The following CYB5A variants were observed in gnomAD, a reference collection of about 807,000 sequenced individuals.
The protein encoded by CYB5A is cytochrome b5 type A, also known as cytochrome b5.
A neutral mutation model predicts 16.2 loss-of-function variants in CYB5A; 10 were observed. The observed-to-expected ratio is 0.62, with a 90% CI of 0.38 to 1.04. The LOEUF (loss-of-function observed/expected upper bound fraction) is 1.04, where lower values mean the gene tolerates loss of function less well. Among genes scored for constraint, CYB5A ranks in the 50% least tolerant of loss-of-function variants. The probability of loss-of-function intolerance (pLI) is 0.01; values close to 1 mark genes in which losing one functional copy is unlikely to be tolerated. For synonymous variants in CYB5A, 62 were observed against 57.0 expected (o/e 1.09, Z -0.40); for missense variants, 161 against 165.9 (o/e 0.97, Z 0.16).
chr18:74,272,183 T>C (rs1352788196), intron 1 of CYB5A, among the ~76,000 whole-genome samples: 4 of 152,230 alleles, frequency 2.6e-5, no homozygotes, highest in South Asian at 4.1e-4. Flanking sequence ...TTGGAATTGT[T>C]ATTGCTTCCT....
At chr18:74,277,907 A>AG (rs1430393132) in intron 1 of CYB5A, among the ~76,000 whole-genome samples, 1 of 152,220 alleles carries the variant, frequency 6.6e-6, no homozygotes, top group Non-Finnish European at 1.5e-5. Flanking sequence ...AGACTGGAAG[A>AG]GAGCACCTGG....
Position 74,269,557 on chromosome 18 carries a change from C to T in CYB5A, c.130-6080G>A, listed in dbSNP as rs73482441. ...ACTCCATAGCTAATGCACACTCCAG[C>T]GTAACAGGACCAAATGGCATGTCTC... On this transcript the variant is annotated intron_variant, in intron 1 of 4. Coordinates refer to ENST00000340533, the MANE Select transcript of CYB5A (RefSeq NM_148923.4). Among the ~76,000 whole-genome samples, 234 of 152,298 alleles carry T rather than the reference C, an allele frequency of 1.5e-3. 1 individual carries two copies. Among genetic ancestry groups the T allele is most frequent in the African/African-American group, 5.3e-3 (220 of 41,552 alleles).
At position 74,263,372 on chromosome 18, in the gene CYB5A, A is replaced by G; in HGVS notation, c.235T>C (p.Phe79Leu). The change falls in exon 2 of 5, where the codon TTC becomes CTC. Residue 79 changes from phenylalanine to leucine, a missense_variant. Phe to Leu is a conservative substitution (Grantham distance 22). Transcript: ENST00000340533. ...STDAREMSKT[F>L]IIGELHPDDR... The stretch of plus-strand genomic sequence containing the variant: ...ACTGGATGGAGCTCCCCAATGATGA[A>G]TGTTTTGGACATTTCCCTGGCATCT... 1 of 1,614,000 alleles carries G rather than the reference A, an allele frequency of 6.2e-7. No individual in the cohort carries two copies.
chr18:74,272,450 G>T (rs1191211803), intron 1 of CYB5A, among the ~76,000 whole-genome samples: 1 of 152,168 alleles, frequency 6.6e-6, no homozygotes, highest in African/African-American at 2.4e-5. Context: ...TTGCTTTGCT[G>T]AGAGATCTTT....
rs1342975042 is a variant in CYB5A, at chr18:74,278,147, T to C, written c.129+13600A>G. Among the ~76,000 whole-genome samples the C allele has an allele frequency of 2.0e-5, 3 of 152,294 alleles. No individual in the cohort carries two copies. The East Asian group carries it at 5.8e-4, about 29-fold the overall frequency. On this transcript the variant is annotated intron_variant, in intron 1 of 4. Transcript: ENST00000340533. ...GGCATTACCATTACTATCCCCACTT[T>C]ACAGACAGAGGTGACGGAGCCAGTT...
intron 2 of CYB5A, chr18:74,261,301 T>C (rs1982188616): frequency 6.1e-6 from 2 of 328,264 alleles, no homozygotes; most frequent in Non-Finnish European, 1.2e-5. Context: ...CCATTTGAGA[T>C]TGTGCATGTA....
Position 74,291,934 on chromosome 18 carries a change from G to A in CYB5A, c.-59C>T, listed in dbSNP as rs1222207191. ...AGCCCCGTCGGGTGGAGCAGAGCGC[G>A]CGACTCAGCCAGCTCCACCCGGGAC... On this transcript the variant is annotated 5_prime_UTR_variant, in exon 1 of 5. Coordinates refer to ENST00000340533, the MANE Select transcript of CYB5A (RefSeq NM_148923.4). 17 of 1,602,876 alleles carry A rather than the reference G, an allele frequency of 1.1e-5. No homozygotes were observed. Among genetic ancestry groups the A allele is most frequent in the Middle Eastern group, 2.0e-4 (1 of 4,936 alleles).
At chr18:74,261,151 T>G (rs749783813) in intron 2 of CYB5A, 19 of 532,608 alleles carry the variant, frequency 3.6e-5, no homozygotes, top group Admixed American at 5.6e-5. Flanking sequence ...ATTTTCTATC[T>G]AGAGTTCCAA....
intron 2 of CYB5A, among the ~76,000 whole-genome samples, chr18:74,263,000 T>C (rs975773797): frequency 1.3e-5 from 2 of 151,846 alleles, no homozygotes; most frequent in African/African-American, 4.8e-5. Context: ...AACTATGAAA[T>C]TTATCAGGCG....
intron 2 of CYB5A, among the ~76,000 whole-genome samples, chr18:74,263,133 G>A (rs1982277404): frequency 7.6e-6 from 1 of 131,448 alleles, no homozygotes; most frequent in Admixed American, 8.2e-5. Context: ...GGGTGACAGA[G>A]TAAGACCTGT....
intron 1 of CYB5A, among the ~76,000 whole-genome samples, chr18:74,278,580 T>G (rs1409826379): frequency 6.6e-6 from 1 of 152,182 alleles, no homozygotes; most frequent in Non-Finnish European, 1.5e-5. Flanking sequence ...TTTAATCAAC[T>G]GGCTGGATTC....
intron 1 of CYB5A, among the ~76,000 whole-genome samples, chr18:74,266,789 T>C (rs1176343942): frequency 1.3e-5 from 2 of 150,690 alleles, no homozygotes; most frequent in Non-Finnish European, 2.9e-5. Context: ...TCTTGGATTA[T>C]ATTGGTTTCA....
chr18:74,281,507 A>G (rs1277973266), intron 1 of CYB5A, among the ~76,000 whole-genome samples: 1 of 152,276 alleles, frequency 6.6e-6, no homozygotes, highest in East Asian at 1.9e-4. Context: ...ATGGCAACCC[A>G]GGAGGGTGAG....
At chr18:74,266,921 G>C (rs1041638165) in intron 1 of CYB5A, among the ~76,000 whole-genome samples, 1 of 151,308 alleles carries the variant, frequency 6.6e-6, no homozygotes, top group African/African-American at 2.4e-5. Context: ...CTTAATAATT[G>C]GTAGGAAAAT....
rs5826311 is a variant in CYB5A at position 74,262,455 on chromosome 18, C to CAAAA, written c.258+890_258+893dup. Among the ~76,000 whole-genome samples the CAAAA allele has an allele frequency of 6.1e-5, 8 of 132,202 alleles. 1 individual carries two copies. In the East Asian group the frequency reaches 1.3e-3, roughly 22 times the overall value. The allele number at this position is 132,202 out of a possible 152,430, so 86.7% of individuals were successfully genotyped here. A position where few individuals can be genotyped will look rare whatever the true frequency, so the allele number is the denominator to read the frequency against. On this transcript the variant is annotated intron_variant, in intron 2 of 4. Transcript: ENST00000340533. ...TGGGCAACAGAGCAAGACTCTGTCT[C>CAAAA]AAAAAAAAAAAAAAAGAAAAGAAAA...
chr18:74,289,727 G>C (rs919016640), intron 1 of CYB5A, among the ~76,000 whole-genome samples: 3 of 146,380 alleles, frequency 2.0e-5, no homozygotes, highest in African/African-American at 7.6e-5. Flanking sequence ...AGTGAGTCGA[G>C]ATCACACCAT....
At chr18:74,282,450 T>A (rs574468377) in intron 1 of CYB5A, among the ~76,000 whole-genome samples, 6 of 152,284 alleles carry the variant, frequency 3.9e-5, no homozygotes, top group Admixed American at 3.3e-4. Flanking sequence ...GGGGCTCGTA[T>A]CTGTTCCTCC....
In CYB5A at chr18:74,253,381, GA is replaced by G. The variant is rs1981836646; in HGVS notation, c.*202del. On this transcript the variant is annotated 3_prime_UTR_variant, in exon 5 of 5. Transcript: ENST00000340533. ...AAGGAAACATCAAAATAAAGTAGAT[GA>G]ATAAAAAGGCACACTCGAAAAATTT... 1.2e-5 allele frequency: 6 copies of G among 495,596 alleles called. No individual in the cohort carries two copies. Among genetic ancestry groups the G allele is most frequent in the Non-Finnish European group, 2.2e-5 (6 of 271,084 alleles). The allele number at this position is 495,596 out of a possible 1,614,324, so 30.7% of individuals were successfully genotyped here. A position where few individuals can be genotyped will look rare whatever the true frequency, so the allele number is the denominator to read the frequency against.
chr18:74,254,144 C>T (rs1981873424), intron 4 of CYB5A, among the ~76,000 whole-genome samples: 1 of 152,150 alleles, frequency 6.6e-6, no homozygotes, highest in Non-Finnish European at 1.5e-5. Context: ...CACGCCACTG[C>T]ACTCCAGCCT....
Sources: gnomAD v4.1 joint callset for allele counts (sites outside exome capture counted in the v4.1 genomes callset) on GRCh38, gnomAD v4.1.1 for gene constraint, MANE v1.5 for transcripts, NCBI Gene and HGNC (gene_info 2026-07-23, HGNC 2026-07-21) for gene names.